Variants in MYSM1 observed in about 807,000 individuals in gnomAD.
The protein encoded by MYSM1 is Myb like, SWIRM and MPN domains 1.
Under a neutral mutation model 116.0 loss-of-function variants are expected in MYSM1, and 51 were observed. The ratio of observed to expected loss-of-function variants is 0.44; its 90% CI spans 0.35 to 0.56. The LOEUF (loss-of-function observed/expected upper bound fraction) is 0.56, where lower values mean the gene tolerates loss of function less well. MYSM1 is among the 20% of genes least tolerant of loss of function. MYSM1 has a pLI of 0.00. For missense variants in MYSM1, 900 were observed against 974.9 expected (o/e 0.92, Z 1.02); for synonymous variants, 313 against 315.2 (o/e 0.99, Z 0.07).
At chr1:58,671,166 C>A (rs76821070) in intron 12 of MYSM1, among the ~76,000 whole-genome samples, 3,468 of 152,242 alleles carry the variant, frequency 0.023, 56 homozygotes, top group Non-Finnish European at 0.031. Flanking sequence ...CCTCTCTATG[C>A]CTCTCAGTTT....
intron 1 of MYSM1, chr1:58,699,765 T>G: frequency 2.0e-6 from 2 of 985,266 alleles, no homozygotes; most frequent in Non-Finnish European, 2.4e-6. Context: ...CGGCAAAAGG[T>G]GAAAGCGACC....
intron 6 of MYSM1, among the ~76,000 whole-genome samples, chr1:58,686,469 A>C (rs865937000): frequency 2.2e-4 from 34 of 152,330 alleles, no homozygotes; most frequent in African/African-American, 7.9e-4. Flanking sequence ...GTTTTGTCAG[A>C]TTTACAGGCC....
At position 58,657,784 on chromosome 1, in the gene MYSM1, A is replaced by C. The variant is rs1413687751; in HGVS notation, c.*2213T>G. 6.6e-6 allele frequency: 1 copy of C among 152,156 alleles called. No individual in the cohort carries two copies. Among genetic ancestry groups the C allele is most frequent in the Non-Finnish European group, 1.5e-5 (1 of 68,032 alleles). The allele number at this position is 152,156 out of a possible 1,614,324, so 9.4% of individuals were successfully genotyped here. A position where few individuals can be genotyped will look rare whatever the true frequency, so the allele number is the denominator to read the frequency against. On this transcript the variant is annotated 3_prime_UTR_variant, in exon 20 of 20. Coordinates refer to ENST00000472487, the MANE Select transcript of MYSM1 (RefSeq NM_001085487.3). ...TATTATTTTGAAAACTGTGCTCTCA[A>C]GGCCCCAAACTCTTGACAAGTATCA...
intron 3 of MYSM1, among the ~76,000 whole-genome samples, chr1:58,692,240 C>G (rs1323768508): frequency 2.0e-5 from 3 of 152,068 alleles, no homozygotes; most frequent in Non-Finnish European, 4.4e-5. Flanking sequence ...AAGGAGAAAT[C>G]CATAAAATGA....
At chr1:58,673,494 T>C (rs1644595498) in intron 11 of MYSM1, 79 bp downstream of exon 11, 2 of 1,168,670 alleles carry the variant, frequency 1.7e-6, no homozygotes, top group African/African-American at 1.5e-5. Flanking sequence ...ACAAGTACAA[T>C]ACATATGACA....
chr1:58,675,112 T>C (rs1034955055), intron 10 of MYSM1, among the ~76,000 whole-genome samples: 32 of 151,872 alleles, frequency 2.1e-4, no homozygotes, highest in African/African-American at 7.7e-4. Context: ...AAAAGGTGAT[T>C]CTTAAGGTTA....
intron 1 of MYSM1, among the ~76,000 whole-genome samples, chr1:58,698,826 CAT>C (rs1645021239): frequency 6.6e-6 from 1 of 152,102 alleles, no homozygotes; most frequent in Non-Finnish European, 1.5e-5. Context: ...GGACAATGAC[CAT>C]ATGAGTTTAA....
chr1:58,679,424 G>C (rs914142158), intron 8 of MYSM1, among the ~76,000 whole-genome samples: 6 of 152,148 alleles, frequency 3.9e-5, no homozygotes, highest in African/African-American at 1.4e-4. Flanking sequence ...AACAAATATA[G>C]AATTTGATTA....
chr1:58,658,958 A>AACACACACACACACACACACACACAC lies in MYSM1; in HGVS notation c.*1013_*1038dup, dbSNP rs57899209. On this transcript the variant is annotated 3_prime_UTR_variant, in exon 20 of 20. Coordinates refer to ENST00000472487, the MANE Select transcript of MYSM1 (RefSeq NM_001085487.3). ...TTTTTATCATTTTAAAGGGCTGTAAAACACACACACACACACACACACACA... is the reference window on the plus strand; with the variant it reads ...TTTTTATCATTTTAAAGGGCTGTAAAACACACACACACACACACACACACACACACACACACACACACACACACACA... 1 of 137,968 alleles carries AACACACACACACACACACACACACAC rather than the reference A, an allele frequency of 7.2e-6. No homozygotes were observed. The highest frequency in any genetic ancestry group is 2.7e-5 in the African/African-American group (1 of 37,156). 8.5% of individuals were successfully genotyped at this position (137,968 alleles called of 1,614,324 possible).
intron 11 of MYSM1, among the ~76,000 whole-genome samples, chr1:58,672,818 T>C (rs1449201745): frequency 1.3e-5 from 2 of 152,112 alleles, no homozygotes; most frequent in Non-Finnish European, 2.9e-5. Flanking sequence ...ACCAACCTTA[T>C]TGAACTTACC....
intron 1 of MYSM1, among the ~76,000 whole-genome samples, chr1:58,697,659 G>A (rs1236139542): frequency 1.3e-5 from 2 of 150,952 alleles, no homozygotes; most frequent in East Asian, 2.0e-4. Context: ...GCGCGATCTC[G>A]GCTCACTGCA....
At chr1:58,676,734 TCAGTGTAGGTCAAATGAAAACA>T (rs1275113965) in intron 9 of MYSM1, 170 bp downstream of exon 9, 2 of 389,726 alleles carry the variant, frequency 5.1e-6, no homozygotes, top group Non-Finnish European at 8.7e-6. Flanking sequence ...CTCTCAATTT[TCAGTGTAGGTCAAATGAAAACA>T]CAGTTTAACC....
Position 58,676,960 on chromosome 1 carries a change from G to C in MYSM1, c.1356C>G (p.Tyr452Ter). The change falls in exon 9 of 20, where the codon TAC becomes TAG. Residue 452 changes from tyrosine to a stop codon, truncating the protein, a stop_gained. Transcript: ENST00000472487. LOFTEE classifies it high-confidence loss of function. ...AATTGATTGCTCCTATCAATTCGAG[G>C]TATGTATGAATCCGTCCAATACAAT... ...DVNCIGRIHT[Y>*]LELIGAINFG... is the part of the protein sequence containing the mutation. 1 of 1,612,296 alleles carries C rather than the reference G, an allele frequency of 6.2e-7. No individual in the cohort carries two copies. The highest frequency in any genetic ancestry group is 8.5e-7 in the Non-Finnish European group (1 of 1,179,166).
intron 1 of MYSM1, among the ~76,000 whole-genome samples, chr1:58,696,024 C>T (rs552142370): frequency 1.6e-4 from 24 of 152,280 alleles, no homozygotes; most frequent in African/African-American, 5.8e-4. Context: ...TTTCAACAGG[C>T]TTATAAATCT....
At position 58,677,007 on chromosome 1, in the gene MYSM1, G is replaced by A; in HGVS notation, c.1309C>T (p.Leu437=). 1 of 1,611,452 alleles carries A rather than the reference G, an allele frequency of 6.2e-7. No homozygotes were observed. The highest frequency in any genetic ancestry group is 8.5e-7 in the Non-Finnish European group (1 of 1,178,764). Residue 437 remains leucine, a synonymous_variant, in exon 9 of 20, where the codon CTG becomes TTG. Coordinates refer to ENST00000472487, the MANE Select transcript of MYSM1 (RefSeq NM_001085487.3). ...CAATTAACATCTCCACAGTTCTTCA[G>A]GCCAGGACGTACTGAGGTCTTATTT... ...YLNKTSVRPG[L]KNCGDVNCIG... is the part of the protein sequence containing the mutation.
At chr1:58,679,027 G>A (rs1053976113) in intron 8 of MYSM1, among the ~76,000 whole-genome samples, 8 of 152,154 alleles carry the variant, frequency 5.3e-5, no homozygotes, top group Admixed American at 1.3e-4. Flanking sequence ...CATGGTATTC[G>A]GGAGGCATTC....
At chr1:58,674,917 ACT>A (rs1209327852) in intron 10 of MYSM1, among the ~76,000 whole-genome samples, 2 of 139,986 alleles carry the variant, frequency 1.4e-5, no homozygotes, top group South Asian at 2.2e-4. Context: ...ACACAGCGAG[ACT>A]CTGTCTCAAA....
intron 17 of MYSM1, among the ~76,000 whole-genome samples, chr1:58,662,620 G>C (rs1398581562): frequency 6.6e-6 from 1 of 150,942 alleles, no homozygotes; most frequent in Non-Finnish European, 1.5e-5. Context: ...TTCTACCATG[G>C]TAAGGAATAA....
chr1:58,665,698 C>T (rs1644457254), intron 16 of MYSM1, 67 bp from the exon 17 acceptor site: 2 of 1,120,846 alleles, frequency 1.8e-6, no homozygotes, highest in Non-Finnish European at 2.6e-6. Flanking sequence ...TTTATCCATA[C>T]TAACATTTTA....
Sources: allele counts gnomAD v4.1 joint callset (sites outside exome capture counted in the v4.1 genomes callset), GRCh38; gene constraint gnomAD v4.1.1; transcripts MANE v1.5; gene names NCBI Gene and HGNC (gene_info 2026-07-23, HGNC 2026-07-21).